The following KDM6A variants were observed in gnomAD, a reference collection of about 807,000 sequenced individuals.
The protein encoded by KDM6A is lysine-specific demethylase 6A.
A neutral mutation model predicts 117.6 loss-of-function variants in KDM6A; 11 were observed. The ratio of observed to expected loss-of-function variants is 0.09; its 90% CI spans 0.06 to 0.15. The LOEUF (loss-of-function observed/expected upper bound fraction) is 0.15, where lower values mean the gene tolerates loss of function less well. KDM6A is among the 10% of genes least tolerant of loss of function. KDM6A has a pLI of 1.00. For synonymous variants in KDM6A, 384 were observed against 396.1 expected, an observed-to-expected ratio of 0.97 and a Z score of 0.36; for missense variants, 799 against 1,077.3, an observed-to-expected ratio of 0.74 and a Z score of 3.62.
chrX:45,028,946 T>G (rs2042488657), intron 6 of KDM6A, among the ~76,000 whole-genome samples: 1 of 112,450 alleles, frequency 8.9e-6, no homozygotes, highest in Non-Finnish European at 1.9e-5. Flanking sequence ...AACACCATTC[T>G]TTCTCTTTGA....
chrX:44,904,853 A>G (rs1466516148), intron 2 of KDM6A, among the ~76,000 whole-genome samples: 2 of 111,916 alleles, frequency 1.8e-5, no homozygotes, highest in African/African-American at 3.3e-5. Flanking sequence ...TTCTGTTTTT[A>G]CTAAGATTTG....
intron 2 of KDM6A, among the ~76,000 whole-genome samples, chrX:44,947,133 A>G (rs1230390129): frequency 9.0e-6 from 1 of 111,604 alleles, no homozygotes; most frequent in African/African-American, 3.3e-5. Context: ...AAATATATCT[A>G]CATATTGATT....
At chrX:45,086,156 C>G (rs1421702368) in intron 25 of KDM6A, 177 bp downstream of exon 25, 4 of 410,123 alleles carry the variant, frequency 9.8e-6, no homozygotes, top group Non-Finnish European at 1.3e-5. Context: ...ATTGGAAATA[C>G]TTTAAGAAAG....
At chrX:44,916,402 G>A (rs1250687729) in intron 2 of KDM6A, among the ~76,000 whole-genome samples, 1 of 111,188 alleles carries the variant, frequency 9.0e-6, no homozygotes, top group African/African-American at 3.3e-5. Flanking sequence ...AAGAAAGAAA[G>A]GAAGGAAGGA....
At position 45,055,543 on chromosome X, in the gene KDM6A, T is replaced by C. The variant is rs187202181; in HGVS notation, c.875+1588T>C. The stretch of plus-strand genomic sequence containing the variant: ...AAGCTGGAGGGTCCAAACTTTTGTG[T>C]TTCTCTTCTACAGTAGCAGAAACTG... On this transcript the variant is annotated intron_variant, in intron 10 of 29. Coordinates refer to ENST00000611820, the MANE Select transcript of KDM6A (RefSeq NM_001291415.2). Among the ~76,000 whole-genome samples, 172 of 111,819 alleles carry C rather than the reference T, an allele frequency of 1.5e-3. 1 individual carries two copies. The highest frequency in any genetic ancestry group is 5.4e-3 in the African/African-American group (168 of 30,882).
At chrX:45,050,640 G>T (rs932823024) in intron 8 of KDM6A, among the ~76,000 whole-genome samples, 4 of 111,550 alleles carry the variant, frequency 3.6e-5, no homozygotes, top group Admixed American at 1.9e-4. Context: ...ATGAATAAAA[G>T]CCACTTCAAT....
intron 8 of KDM6A, among the ~76,000 whole-genome samples, chrX:45,046,934 T>C (rs1478332987): frequency 9.0e-6 from 1 of 110,724 alleles, no homozygotes; most frequent in Non-Finnish European, 1.9e-5. Flanking sequence ...TTCTTGGCTC[T>C]TACTTTTGTA....
intron 2 of KDM6A, among the ~76,000 whole-genome samples, chrX:44,922,027 C>CTTT (rs1412985730): frequency 0.12 from 4,622 of 37,712 alleles, 1,999 homozygotes; most frequent in East Asian, 0.2. Flanking sequence ...ATTGTGTGTG[C>CTTT]CTTTTTTTTT....
intron 18 of KDM6A, among the ~76,000 whole-genome samples, chrX:45,072,523 T>G (rs1038443213): frequency 4.2e-4 from 47 of 110,961 alleles, no homozygotes; most frequent in African/African-American, 1.5e-3. Flanking sequence ...CACTTGGCTC[T>G]CCTTAGACAG....
chrX:44,999,000 T>C (rs1314905939), intron 4 of KDM6A, among the ~76,000 whole-genome samples: 1 of 111,840 alleles, frequency 8.9e-6, no homozygotes, highest in Non-Finnish European at 1.9e-5. Context: ...TATACGTTTT[T>C]GTCAACAAAA....
At chrX:44,981,273 A>T in intron 4 of KDM6A, among the ~76,000 whole-genome samples, 1 of 112,127 alleles carries the variant, frequency 8.9e-6, no homozygotes. Context: ...CTTTTGAATG[A>T]CTGGCTATAT....
intron 2 of KDM6A, among the ~76,000 whole-genome samples, chrX:44,906,946 T>C (rs1486705899): frequency 1.8e-5 from 2 of 111,931 alleles, no homozygotes; most frequent in African/African-American, 3.3e-5. Flanking sequence ...TTATTTATCA[T>C]CACATTTCAC....
chrX:44,881,387 C>G (rs191909530), intron 2 of KDM6A, among the ~76,000 whole-genome samples: 1 of 111,513 alleles, frequency 9.0e-6, no homozygotes, highest in Non-Finnish European at 1.9e-5. Flanking sequence ...GAGCCGAGAT[C>G]GTGCCACTGA....
chrX:44,939,713 C>T (rs1026333834), intron 2 of KDM6A, among the ~76,000 whole-genome samples: 4 of 111,672 alleles, frequency 3.6e-5, no homozygotes, highest in African/African-American at 1.3e-4. Context: ...AGAGTCAATC[C>T]ATGTGGCAAA....
chrX:45,064,397 G>A (rs2044441325), intron 17 of KDM6A, among the ~76,000 whole-genome samples: 1 of 111,488 alleles, frequency 9.0e-6, no homozygotes, highest in African/African-American at 3.3e-5. Context: ...AAGAGGCTGA[G>A]GGAGAGGCCA....
intron 26 of KDM6A, among the ~76,000 whole-genome samples, chrX:45,090,472 A>C (rs948867940): frequency 8.9e-6 from 1 of 112,007 alleles, no homozygotes; most frequent in Non-Finnish European, 1.9e-5. Flanking sequence ...TAATAAGGTG[A>C]TGGTGAAGAG....
At chrX:44,928,806 G>A (rs1434027761) in intron 2 of KDM6A, among the ~76,000 whole-genome samples, 5 of 110,984 alleles carry the variant, frequency 4.5e-5, no homozygotes, top group African/African-American at 9.8e-5. Context: ...TTATACTTAC[G>A]GGAATAAAAG....
intron 3 of KDM6A, among the ~76,000 whole-genome samples, chrX:44,966,613 C>T (rs1204910373): frequency 9.0e-6 from 1 of 110,703 alleles, no homozygotes; most frequent in Non-Finnish European, 1.9e-5. Context: ...GATTTAAGTC[C>T]TTGAAAACAT....
intron 18 of KDM6A, among the ~76,000 whole-genome samples, chrX:45,071,720 T>G (rs1369026294): frequency 1.9e-5 from 2 of 104,887 alleles, no homozygotes; most frequent in Non-Finnish European, 3.9e-5. Flanking sequence ...TAAAAATACC[T>G]TTTGGTCTGT....
Sources: gnomAD v4.1 joint callset for allele counts (sites outside exome capture counted in the v4.1 genomes callset) on GRCh38, gnomAD v4.1.1 for gene constraint, MANE v1.5 for transcripts, NCBI Gene and HGNC (gene_info 2026-07-23, HGNC 2026-07-21) for gene names.